YIPF4: variants seen among roughly 807,000 people sequenced by gnomAD.
The protein encoded by YIPF4 is Yip1 domain family member 4.
YIPF4 carries 18 observed loss-of-function variants against 29.4 expected under a neutral mutation model. The ratio of observed to expected loss-of-function variants is 0.61; its 90% CI spans 0.42 to 0.91. YIPF4 has a LOEUF of 0.91. Ranked by LOEUF, YIPF4 falls within the 40% of genes least tolerant of loss-of-function variation. The pLI is 0.00. For missense variants in YIPF4, 279 were observed against 282.7 expected (o/e 0.99, Z 0.09); for synonymous variants, 115 against 104.7 (o/e 1.10, Z -0.60).
intron 3 of YIPF4, among the ~76,000 whole-genome samples, chr2:32,292,620 T>C (rs1314566549): frequency 6.6e-6 from 1 of 151,838 alleles, no homozygotes; most frequent in Non-Finnish European, 1.5e-5. Context: ...CCCAGCACTT[T>C]GGGAGGCCGA....
chr2:32,302,002 G>C (rs2031421591), intron 5 of YIPF4, among the ~76,000 whole-genome samples: 1 of 151,452 alleles, frequency 6.6e-6, no homozygotes, highest in Non-Finnish European at 1.5e-5. Flanking sequence ...ACCACACCCG[G>C]CCTGGTCAGC....
chr2:32,294,964 G>C (rs1308483474), intron 3 of YIPF4, among the ~76,000 whole-genome samples: 1 of 152,084 alleles, frequency 6.6e-6, no homozygotes, highest in Non-Finnish European at 1.5e-5. Context: ...GCACTCGGCA[G>C]GCTGAGGCAG....
intron 3 of YIPF4, among the ~76,000 whole-genome samples, chr2:32,294,441 A>C (rs897062341): frequency 6.8e-6 from 1 of 146,038 alleles, no homozygotes; most frequent in African/African-American, 2.6e-5. Context: ...GCGGCGGGGC[A>C]AAGGCGCTCC....
At chr2:32,300,434 TAAA>T (rs78248257) in intron 4 of YIPF4, among the ~76,000 whole-genome samples, 17 of 120,626 alleles carry the variant, frequency 1.4e-4, no homozygotes, top group Admixed American at 2.6e-4. Context: ...ACTCCGTCTT[TAAA>T]AAAAAAAAAA....
At chr2:32,297,118 C>G (rs181696217) in intron 3 of YIPF4, among the ~76,000 whole-genome samples, 1 of 151,426 alleles carries the variant, frequency 6.6e-6, no homozygotes, top group Non-Finnish European at 1.5e-5. Context: ...TGGAATCAAC[C>G]GTTTTTTTGT....
intron 1 of YIPF4, among the ~76,000 whole-genome samples, chr2:32,282,420 C>A (rs1286791832): frequency 6.6e-6 from 1 of 152,142 alleles, no homozygotes; most frequent in Non-Finnish European, 1.5e-5. Flanking sequence ...CTTGGGCAAG[C>A]TACTTACCTT....
At chr2:32,298,987 C>T (rs1381269337) in intron 4 of YIPF4, among the ~76,000 whole-genome samples, 1 of 152,050 alleles carries the variant, frequency 6.6e-6, no homozygotes, top group East Asian at 1.9e-4. Context: ...AAGCGATTCT[C>T]CTGCCTTAGC....
rs1164437929 is a variant in YIPF4 at position 32,307,487 on chromosome 2, C to G, written c.*1861C>G. The G allele has an allele frequency of 6.5e-6, 1 of 153,818 alleles. No individual in the cohort carries two copies. Among genetic ancestry groups the G allele is most frequent in the African/African-American group, 2.4e-5 (1 of 41,344 alleles). The allele number at this position is 153,818 out of a possible 1,614,324, so 9.5% of individuals were successfully genotyped here. Reference sequence around the variant, plus strand: ...TAAGATAAAATGAGGTATTTTTGTTCCAAAAAGTATTTTAAAATAGCATTT... The same window carrying G: ...TAAGATAAAATGAGGTATTTTTGTTGCAAAAAGTATTTTAAAATAGCATTT... On this transcript the variant is annotated 3_prime_UTR_variant, in exon 6 of 6. Coordinates refer to ENST00000238831, the MANE Select transcript of YIPF4 (RefSeq NM_032312.4).
At position 32,290,477 on chromosome 2, in the gene YIPF4, C is replaced by T. The variant is rs565978849; in HGVS notation, c.80-6C>T. 3.3e-6 allele frequency: 5 copies of T among 1,502,272 alleles called. No individual in the cohort carries two copies. Among genetic ancestry groups the T allele is most frequent in the East Asian group, 2.5e-5 (1 of 39,372 alleles). 93.1% of individuals were successfully genotyped at this position (1,502,272 alleles called of 1,614,324 possible). A position where few individuals can be genotyped will look rare whatever the true frequency, so the allele number is the denominator to read the frequency against. Reference sequence around the variant, plus strand: ...TTTATATAGTTTTATCCTCTTTTCTCCTAAGATCTCAGTGGTTCAATAGCA... The same window carrying T: ...TTTATATAGTTTTATCCTCTTTTCTTCTAAGATCTCAGTGGTTCAATAGCA... On this transcript the variant is annotated splice_region_variant and splice_polypyrimidine_tract_variant and intron_variant, in intron 1 of 5. Transcript: ENST00000238831.
At chr2:32,289,183 A>G (rs2030811421) in intron 1 of YIPF4, among the ~76,000 whole-genome samples, 1 of 152,190 alleles carries the variant, frequency 6.6e-6, no homozygotes, top group Admixed American at 6.6e-5. Context: ...CTTTATAAAA[A>G]CTTTTTAGAA....
At position 32,309,499 on chromosome 2, in the gene YIPF4, TTAAA is replaced by T. The variant is rs1318872858; in HGVS notation, c.*3876_*3879del. 1.3e-5 allele frequency: 2 copies of T among 152,184 alleles called. No individual in the cohort carries two copies. Among genetic ancestry groups the T allele is most frequent in the Admixed American group, 6.5e-5 (1 of 15,270 alleles). The allele number at this position is 152,184 out of a possible 1,614,324, so 9.4% of individuals were successfully genotyped here. A position where few individuals can be genotyped will look rare whatever the true frequency, so the allele number is the denominator to read the frequency against. On this transcript the variant is annotated 3_prime_UTR_variant, in exon 6 of 6. Coordinates refer to ENST00000238831, the MANE Select transcript of YIPF4 (RefSeq NM_032312.4). ...TAAAATGTGAAGTAAATATTTTTGT[TTAAA>T]TATTGTTTAAAATTTAGTCATTTAA...
chr2:32,295,777 A>G (rs981863678), intron 3 of YIPF4, among the ~76,000 whole-genome samples: 1 of 152,024 alleles, frequency 6.6e-6, no homozygotes, highest in African/African-American at 2.4e-5. Context: ...CTAATTTTGT[A>G]TTTTTAGTAG....
chr2:32,298,261 A>T lies in YIPF4; in HGVS notation c.433A>T (p.Ile145Leu). The T allele has an allele frequency of 6.2e-7, 1 of 1,610,108 alleles. No homozygotes were observed. The highest frequency in any genetic ancestry group is 8.5e-7 in the Non-Finnish European group (1 of 1,177,808). Reference protein sequence around the residue: ...RVVSWIITIWIFGSLTIFLLA... With the variant: ...RVVSWIITIWLFGSLTIFLLA... ...GGTCTCATGGATTATAACCATTTGG[A>T]TATTTGGTTCACTAACAATTTTCTT... The change falls in exon 4 of 6, where the codon ATA becomes TTA. Residue 145 changes from isoleucine to leucine, a missense_variant. Physicochemically the swap from Ile to Leu is conservative, Grantham distance 5. Coordinates refer to ENST00000238831, the MANE Select transcript of YIPF4 (RefSeq NM_032312.4).
In YIPF4 at chr2:32,316,587, A is replaced by T. The variant is rs1353359774; in HGVS notation, c.*10961A>T. 1 of 152,164 alleles carries T rather than the reference A, an allele frequency of 6.6e-6. No homozygotes were observed. The highest frequency in any genetic ancestry group is 2.4e-5 in the African/African-American group (1 of 41,432). The allele number at this position is 152,164 out of a possible 1,614,324, so 9.4% of individuals were successfully genotyped here. The stretch of plus-strand genomic sequence containing the variant: ...AACACTAAAATTAATAAATTGTGTA[A>T]ATTCTAATATGGATTAATTTGTCTT... On this transcript the variant is annotated 3_prime_UTR_variant, in exon 6 of 6. Coordinates refer to ENST00000238831, the MANE Select transcript of YIPF4 (RefSeq NM_032312.4).
At chr2:32,288,065 ACAT>A (rs1396589718) in intron 1 of YIPF4, among the ~76,000 whole-genome samples, 5 of 152,082 alleles carry the variant, frequency 3.3e-5, no homozygotes, top group Non-Finnish European at 5.9e-5. Context: ...TTGCTCTCTG[ACAT>A]CATTCTCCAC....
intron 1 of YIPF4, among the ~76,000 whole-genome samples, chr2:32,279,214 G>C (rs1355504640): frequency 6.6e-6 from 1 of 151,708 alleles, no homozygotes; most frequent in Admixed American, 6.6e-5. Context: ...CTCGTGATCC[G>C]CCCGCCTCGG....
chr2:32,281,894 CAAAAAAAAA>C (rs58882814), intron 1 of YIPF4, among the ~76,000 whole-genome samples: 1 of 53,436 alleles, frequency 1.9e-5, no homozygotes, highest in Non-Finnish European at 3.5e-5. Context: ...GACTCTGTCT[CAAAAAAAAA>C]AAAAAAAAAA....
Position 32,292,189 on chromosome 2 carries a change from C to T in YIPF4, c.246C>T (p.Asp82=). ...TTTAAAATTATAGGGAAGAATTGGA[C>T]ATTGATCTAAAGGATATTTACTACA... ...EDNKPLLEEL[D]IDLKDIYYKI... The change falls in exon 3 of 6, where the codon GAC becomes GAT. Residue 82 remains aspartate (D), a synonymous_variant. Coordinates refer to ENST00000238831, the MANE Select transcript of YIPF4 (RefSeq NM_032312.4). The T allele has an allele frequency of 6.7e-7, 1 of 1,497,946 alleles. No homozygotes were observed. The highest frequency in any genetic ancestry group is 8.9e-7 in the Non-Finnish European group (1 of 1,119,284). 92.8% of individuals were successfully genotyped at this position (1,497,946 alleles called of 1,614,324 possible). A position where few individuals can be genotyped will look rare whatever the true frequency, so the allele number is the denominator to read the frequency against.
intron 2 of YIPF4, among the ~76,000 whole-genome samples, chr2:32,291,922 T>C (rs954107031): frequency 6.6e-6 from 1 of 152,170 alleles, no homozygotes; most frequent in African/African-American, 2.4e-5. Flanking sequence ...AAGGTAAATA[T>C]TAGAAACACT....
Sources: allele counts gnomAD v4.1 joint callset (sites outside exome capture counted in the v4.1 genomes callset), GRCh38; gene constraint gnomAD v4.1.1; transcripts MANE v1.5; gene names NCBI Gene and HGNC (gene_info 2026-07-23, HGNC 2026-07-21).